LINGO2: variants seen among roughly 807,000 people sequenced by gnomAD.
LINGO2 encodes leucine-rich repeat and immunoglobulin-like domain-containing nogo receptor-interacting protein 2.
Under a neutral mutation model 30.6 loss-of-function variants are expected in LINGO2, and 14 were observed. The ratio of observed to expected loss-of-function variants is 0.46; its 90% CI spans 0.30 to 0.72. The LOEUF (loss-of-function observed/expected upper bound fraction) is 0.72. Among genes scored for constraint, LINGO2 ranks in the 30% least tolerant of loss-of-function variants. LINGO2 has a pLI of 0.07. For synonymous variants in LINGO2, 317 were observed against 288.5 expected, an observed-to-expected ratio of 1.10 and a Z score of -1.00; for missense variants, 729 against 751.7, an observed-to-expected ratio of 0.97 and a Z score of 0.35.
At chr9:28,523,528 G>C (rs558184599) in intron 1 of LINGO2, among the ~76,000 whole-genome samples, 1 of 152,196 alleles carries the variant, frequency 6.6e-6, no homozygotes, top group East Asian at 1.9e-4. Flanking sequence ...TGTAATCTTA[G>C]AGGACATAAT....
At chr9:28,059,025 A>C (rs1282399629) in intron 4 of LINGO2, among the ~76,000 whole-genome samples, 3 of 152,094 alleles carry the variant, frequency 2.0e-5, no homozygotes, top group Admixed American at 2.0e-4. Flanking sequence ...AATTATACCA[A>C]GTATTTTATA....
At chr9:28,959,826 T>C in the LINGO2 span, among the ~76,000 whole-genome samples, 8 of 152,318 alleles carry the variant, frequency 5.3e-5, no homozygotes, top group East Asian at 1.5e-3. Context: ...AAAGACATTT[T>C]GGATGTTAGA....
At chr9:29,049,426 A>G in the LINGO2 span, among the ~76,000 whole-genome samples, 12 of 152,190 alleles carry the variant, frequency 7.9e-5, no homozygotes, top group African/African-American at 2.9e-4. Context: ...GAGCTACCAC[A>G]TGGTCCAACA....
chr9:28,395,110 T>C (rs1418887079), intron 2 of LINGO2, among the ~76,000 whole-genome samples: 2 of 152,152 alleles, frequency 1.3e-5, no homozygotes, highest in Non-Finnish European at 2.9e-5. Flanking sequence ...GAAACAAAAT[T>C]AACAGGTACT....
At chr9:28,965,700 C>G in the LINGO2 span, among the ~76,000 whole-genome samples, 2 of 152,024 alleles carry the variant, frequency 1.3e-5, no homozygotes, top group African/African-American at 4.8e-5. Context: ...CTTGAGCTCC[C>G]TTTTATGATT....
At chr9:29,074,588 G>C in the LINGO2 span, among the ~76,000 whole-genome samples, 14 of 151,840 alleles carry the variant, frequency 9.2e-5, no homozygotes, top group Non-Finnish European at 1.6e-4. Context: ...TTACAAATGA[G>C]GATAGCATGT....
chr9:28,876,512 G>T, the LINGO2 span, among the ~76,000 whole-genome samples: 1 of 151,288 alleles, frequency 6.6e-6, no homozygotes, highest in South Asian at 2.1e-4. Flanking sequence ...TTGGTTTTTT[G>T]TCCTTGCTAT....
the LINGO2 span, among the ~76,000 whole-genome samples, chr9:28,841,352 T>C: frequency 2.0e-5 from 3 of 151,842 alleles, no homozygotes; most frequent in Admixed American, 2.0e-4. Flanking sequence ...GTGTGTCACC[T>C]TAATAGGCCA....
chr9:28,740,106 G>A, the LINGO2 span, among the ~76,000 whole-genome samples: 1 of 150,542 alleles, frequency 6.6e-6, no homozygotes, highest in Non-Finnish European at 1.5e-5. Context: ...AAAAATATGT[G>A]TTGCGTGATC....
chr9:27,962,893 T>C (rs1819916559), intron 5 of LINGO2, among the ~76,000 whole-genome samples: 2 of 152,202 alleles, frequency 1.3e-5, no homozygotes. Context: ...GCACAATGAT[T>C]AGTACGTACC....
chr9:28,631,248 G>A (rs996457601), intron 1 of LINGO2, among the ~76,000 whole-genome samples: 6 of 151,752 alleles, frequency 4.0e-5, no homozygotes, highest in African/African-American at 1.5e-4. Context: ...CCATGTTGGT[G>A]TGCTGAACCC....
chr9:28,554,146 C>T (rs1417210909), intron 1 of LINGO2, among the ~76,000 whole-genome samples: 1 of 151,488 alleles, frequency 6.6e-6, no homozygotes, highest in Non-Finnish European at 1.5e-5. Context: ...TCACACATAA[C>T]CATATTAACT....
At chr9:29,160,235 C>T in the LINGO2 span, among the ~76,000 whole-genome samples, 1 of 152,130 alleles carries the variant, frequency 6.6e-6, no homozygotes, top group East Asian at 1.9e-4. Flanking sequence ...CTTTGAGCAC[C>T]ATTGACCGAA....
the LINGO2 span, among the ~76,000 whole-genome samples, chr9:29,131,977 C>G: frequency 6.6e-6 from 1 of 151,478 alleles, no homozygotes; most frequent in East Asian, 1.9e-4. Context: ...TTCCTCTTGC[C>G]TAGAGACCAT....
the LINGO2 span, among the ~76,000 whole-genome samples, chr9:29,012,144 G>T: frequency 6.6e-6 from 1 of 152,046 alleles, no homozygotes; most frequent in African/African-American, 2.4e-5. Flanking sequence ...GATCACCTGA[G>T]GTCACAAGTT....
chr9:29,076,188 C>T, the LINGO2 span, among the ~76,000 whole-genome samples: 7 of 151,938 alleles, frequency 4.6e-5, no homozygotes, highest in African/African-American at 9.7e-5. Context: ...AAAAAACATT[C>T]GTTAAGACAC....
At chr9:28,866,494 C>A in the LINGO2 span, among the ~76,000 whole-genome samples, 4 of 151,986 alleles carry the variant, frequency 2.6e-5, no homozygotes, top group South Asian at 2.1e-4. Flanking sequence ...ATAGCATAAA[C>A]CCTATAATCA....
the LINGO2 span, among the ~76,000 whole-genome samples, chr9:28,847,830 T>C: frequency 2.6e-5 from 2 of 77,538 alleles, 1 homozygote; most frequent in South Asian, 8.2e-4. Flanking sequence ...CATATATATG[T>C]ATAGTATATA....
chr9:29,101,628 T>C, the LINGO2 span, among the ~76,000 whole-genome samples: 28,522 of 151,866 alleles, frequency 0.19, 2,797 homozygotes, highest in East Asian at 0.33. Flanking sequence ...TCAACTGTTT[T>C]ATTTTTACCT....
Sources: gnomAD v4.1 joint callset for allele counts (sites outside exome capture counted in the v4.1 genomes callset) on GRCh38, gnomAD v4.1.1 for gene constraint, MANE v1.5 for transcripts, NCBI Gene and HGNC (gene_info 2026-07-23, HGNC 2026-07-21) for gene names.